WDR25: variants seen among roughly 807,000 people sequenced by gnomAD.
The protein encoded by WDR25 is WD repeat domain 25, also known as WD repeat-containing protein 25.
A neutral mutation model predicts 47.7 loss-of-function variants in WDR25; 35 were observed. The observed-to-expected ratio is 0.73, with a 90% CI of 0.56 to 0.97. WDR25 has a LOEUF of 0.97. Among genes scored for constraint, WDR25 ranks in the 50% least tolerant of loss-of-function variants. WDR25 has a pLI of 0.00. For missense variants in WDR25, 634 were observed against 704.7 expected (o/e 0.90, Z 1.14); for synonymous variants, 248 against 278.9 (o/e 0.89, Z 1.10).
At chr14:100,469,858 T>C (rs1342816868) in intron 3 of WDR25, among the ~76,000 whole-genome samples, 1 of 152,206 alleles carries the variant, frequency 6.6e-6, no homozygotes, top group East Asian at 1.9e-4. Flanking sequence ...TGCACGCAGG[T>C]CTGCTAGGCC....
chr14:100,415,851 T>A (rs1200104107), intron 2 of WDR25, among the ~76,000 whole-genome samples: 1 of 152,216 alleles, frequency 6.6e-6, no homozygotes, highest in African/African-American at 2.4e-5. Flanking sequence ...TGTGGCAGGC[T>A]AACTTGGTAG....
At chr14:100,422,596 C>T (rs940226213) in intron 2 of WDR25, among the ~76,000 whole-genome samples, 4 of 152,196 alleles carry the variant, frequency 2.6e-5, no homozygotes, top group African/African-American at 9.7e-5. Context: ...CTCATGGTGA[C>T]TTGACGGGCC....
chr14:100,502,890 G>GCA lies in WDR25; in HGVS notation c.1101+18769_1101+18770dup, dbSNP rs1900977483. Among the ~76,000 whole-genome samples, 2 of 152,140 alleles carry GCA rather than the reference G, an allele frequency of 1.3e-5. No homozygotes were observed. The highest frequency in any genetic ancestry group is 2.4e-5 in the African/African-American group (1 of 41,422). On this transcript the variant is annotated intron_variant, in intron 4 of 6. Coordinates refer to ENST00000402312, the MANE Select transcript of WDR25 (RefSeq NM_001161476.3). This position sits in a 1 kb window ranked among gnomAD's most constrained non-coding sequence, Gnocchi z 4.5. Reference sequence around the variant, plus strand: ...TATAAAGGCACGTAGGCACTAAAGGGCACAACATATGAGGGAATGGTGAGG... The same window carrying GCA: ...TATAAAGGCACGTAGGCACTAAAGGGCACACAACATATGAGGGAATGGTGAGG...
chr14:100,422,793 G>C (rs1898064551), intron 2 of WDR25, among the ~76,000 whole-genome samples: 1 of 152,160 alleles, frequency 6.6e-6, no homozygotes, highest in African/African-American at 2.4e-5. Flanking sequence ...GTTTTAATTT[G>C]CCTGCCCACT....
intron 3 of WDR25, among the ~76,000 whole-genome samples, chr14:100,472,416 C>T (rs1229680318): frequency 1.3e-5 from 2 of 152,262 alleles, no homozygotes; most frequent in South Asian, 2.1e-4. Context: ...CCTGTTTCTA[C>T]CACACCACCT....
In WDR25 at chr14:100,407,856, A is replaced by G. The variant is rs1313230588; in HGVS notation, c.822+26110A>G. ...CTCACGTGTATTGCCTCTCACGTGT[A>G]TTGTCTGTGAGTGTGCTGGGCTCCC... On this transcript the variant is annotated intron_variant, in intron 2 of 6. Transcript: ENST00000402312. The surrounding 1 kb of genome is among the most constrained non-coding windows in gnomAD (Gnocchi z 4.1). Among the ~76,000 whole-genome samples the G allele has an allele frequency of 2.0e-5, 3 of 152,062 alleles. No homozygotes were observed. The highest frequency in any genetic ancestry group is 1.9e-4 in the East Asian group (1 of 5,190).
chr14:100,494,703 T>G (rs532748861), intron 4 of WDR25, among the ~76,000 whole-genome samples: 208 of 152,340 alleles, frequency 1.4e-3, no homozygotes, highest in African/African-American at 4.8e-3. Flanking sequence ...GACCTGGGTG[T>G]TTTCTTCCTC....
intron 2 of WDR25, among the ~76,000 whole-genome samples, chr14:100,450,431 G>A (rs1898989233): frequency 6.6e-6 from 1 of 152,244 alleles, no homozygotes; most frequent in Non-Finnish European, 1.5e-5. Flanking sequence ...AGTGAGAAGA[G>A]CTGTTTGTTG....
chr14:100,393,386 C>G (rs1045030700), intron 2 of WDR25, among the ~76,000 whole-genome samples: 1 of 152,180 alleles, frequency 6.6e-6, no homozygotes, highest in African/African-American at 2.4e-5. Context: ...TTGTTTTCGT[C>G]CTGGGCTTCT....
chr14:100,419,129 G>C (rs1897956876), intron 2 of WDR25, among the ~76,000 whole-genome samples: 1 of 151,650 alleles, frequency 6.6e-6, no homozygotes. Context: ...GGCTGAGGCA[G>C]GACAATTGCT....
chr14:100,412,843 C>T (rs1011985106), intron 2 of WDR25, among the ~76,000 whole-genome samples: 1 of 152,092 alleles, frequency 6.6e-6, no homozygotes, highest in Admixed American at 6.5e-5. Context: ...TTGTTGTTGT[C>T]GTTTTTGAGA....
At chr14:100,491,757 G>A (rs936540119) in intron 4 of WDR25, among the ~76,000 whole-genome samples, 4 of 152,230 alleles carry the variant, frequency 2.6e-5, no homozygotes, top group African/African-American at 9.6e-5. Flanking sequence ...TGCTCACTGA[G>A]CACTGCCATG....
chr14:100,453,298 G>A (rs1434653068), intron 2 of WDR25, among the ~76,000 whole-genome samples: 1 of 152,186 alleles, frequency 6.6e-6, no homozygotes, highest in African/African-American at 2.4e-5. Context: ...GCACACTTTC[G>A]AGCCAGAGTG....
In WDR25 at chr14:100,468,041, C is replaced by T. The variant is rs770479232; in HGVS notation, c.843C>T (p.Ser281=). ...TGCAGGTATGGAACGCCGTGGACTC[C>T]GGGCACTGCCTGCAGACCTACTCCC... is the stretch of plus-strand genomic sequence containing the variant. ...KTFKVWNAVD[S]GHCLQTYSLH... The change falls in exon 3 of 7, where the codon TCC becomes TCT. Residue 281 remains serine (S), a synonymous_variant. Transcript: ENST00000402312. This position sits in a 1 kb window ranked among gnomAD's most constrained non-coding sequence, Gnocchi z 4.5. 39 of 1,612,994 alleles carry T rather than the reference C, an allele frequency of 2.4e-5. No individual in the cohort carries two copies. Among genetic ancestry groups the T allele is most frequent in the African/African-American group, 1.6e-4 (12 of 74,898 alleles).
intron 2 of WDR25, among the ~76,000 whole-genome samples, chr14:100,439,300 C>T (rs1595089593): frequency 6.6e-6 from 1 of 152,230 alleles, no homozygotes. Context: ...ATGGCTCTGG[C>T]CTCGGTGACG....
intron 5 of WDR25, among the ~76,000 whole-genome samples, chr14:100,526,750 C>T (rs1274200926): frequency 7.0e-6 from 1 of 143,104 alleles, no homozygotes; most frequent in Non-Finnish European, 1.6e-5. Context: ...ACCACAACCA[C>T]TGTTGTCATT....
intron 2 of WDR25, among the ~76,000 whole-genome samples, chr14:100,409,312 C>T (rs1177101817): frequency 6.6e-6 from 1 of 152,210 alleles, no homozygotes; most frequent in African/African-American, 2.4e-5. Context: ...TAGGGCTGGT[C>T]TTCATGCGTT....
In WDR25 at chr14:100,500,952, T is replaced by A. The variant is rs1900901822; in HGVS notation, c.1101+16828T>A. 6.6e-6 allele frequency among the ~76,000 whole-genome samples: 1 copy of A among 152,238 alleles called. No individual in the cohort carries two copies. Among genetic ancestry groups the A allele is most frequent in the Non-Finnish European group, 1.5e-5 (1 of 68,038 alleles). On this transcript the variant is annotated intron_variant, in intron 4 of 6. Coordinates refer to ENST00000402312, the MANE Select transcript of WDR25 (RefSeq NM_001161476.3). This position sits in a 1 kb window ranked among gnomAD's most constrained non-coding sequence, Gnocchi z 4.7. Reference sequence around the variant, plus strand: ...TGTGTTTTGTATCTGTAATTTAAAATTTCACAGTCTTCAACATGACAGTTT... The same window carrying A: ...TGTGTTTTGTATCTGTAATTTAAAAATTCACAGTCTTCAACATGACAGTTT...
rs574316716 is a variant in WDR25 at position 100,446,372 on chromosome 14, T to G, written c.823-21649T>G. Reference sequence around the variant, plus strand: ...GAGTTTGAGACCAGCCTGGCCCACATGGTTAGGCCATCTACTAAAAATACA... The same window carrying G: ...GAGTTTGAGACCAGCCTGGCCCACAGGGTTAGGCCATCTACTAAAAATACA... On this transcript the variant is annotated intron_variant, in intron 2 of 6. Coordinates refer to ENST00000402312, the MANE Select transcript of WDR25 (RefSeq NM_001161476.3). Among the ~76,000 whole-genome samples, 3 of 152,004 alleles carry G rather than the reference T, an allele frequency of 2.0e-5. No individual in the cohort carries two copies. The East Asian group carries it at 5.8e-4, about 29-fold the overall frequency.
Sources: gnomAD v4.1 joint callset for allele counts (sites outside exome capture counted in the v4.1 genomes callset) on GRCh38, gnomAD v4.1.1 for gene constraint, Gnocchi (gnomAD v3.1) non-coding constraint, MANE v1.5 for transcripts, NCBI Gene and HGNC (gene_info 2026-07-23, HGNC 2026-07-21) for gene names.